Variants in GRID1 observed in about 807,000 individuals in gnomAD.
GRID1 encodes the protein glutamate receptor ionotropic, delta-1.
GRID1 carries 28 observed loss-of-function variants against 98.0 expected under a neutral mutation model. The observed-to-expected ratio is 0.29, with a 90% CI of 0.21 to 0.39. GRID1 has a LOEUF of 0.39. Ranked by LOEUF, GRID1 falls within the 10% of genes least tolerant of loss-of-function variation. The pLI is 1.00. For synonymous variants in GRID1, 553 were observed against 538.5 expected, an observed-to-expected ratio of 1.03 and a Z score of -0.37; for missense variants, 1,111 against 1,340.5, an observed-to-expected ratio of 0.83 and a Z score of 2.67.
chr10:86,247,043 C>T (rs969728846), intron 2 of GRID1, among the ~76,000 whole-genome samples: 4 of 152,244 alleles, frequency 2.6e-5, no homozygotes, highest in African/African-American at 9.6e-5. Context: ...GACACCGTGC[C>T]TGGAACACCA....
At chr10:86,334,758 C>A (rs1353520059) in intron 2 of GRID1, among the ~76,000 whole-genome samples, 1 of 152,216 alleles carries the variant, frequency 6.6e-6, no homozygotes, top group Admixed American at 6.5e-5. Flanking sequence ...GAAACCGAGG[C>A]TCCCTGATAA....
At chr10:86,227,809 CTAGACTGT>C (rs1564712250) in intron 2 of GRID1, among the ~76,000 whole-genome samples, 4 of 152,228 alleles carry the variant, frequency 2.6e-5, no homozygotes, top group Admixed American at 6.5e-5. Context: ...GTTCCCACCA[CTAGACTGT>C]GAGCCACTGC....
intron 3 of GRID1, among the ~76,000 whole-genome samples, chr10:86,145,905 C>T (rs965134642): frequency 6.6e-6 from 1 of 152,076 alleles, no homozygotes; most frequent in Admixed American, 6.5e-5. Context: ...ACGATGACCA[C>T]GTAGCCGGTG....
chr10:85,629,421 C>T (rs148761378), intron 13 of GRID1, among the ~76,000 whole-genome samples: 112 of 132,804 alleles, frequency 8.4e-4, no homozygotes, highest in African/African-American at 2.9e-3. Context: ...GTCTATTATT[C>T]CACACTCGAT....
intron 2 of GRID1, among the ~76,000 whole-genome samples, chr10:86,327,964 TG>T (rs1848076779): frequency 6.6e-6 from 1 of 151,936 alleles, no homozygotes; most frequent in Non-Finnish European, 1.5e-5. Context: ...CATGACAATA[TG>T]GTTTGTTATT....
At chr10:85,712,234 A>G (rs953969516) in intron 12 of GRID1, among the ~76,000 whole-genome samples, 8 of 151,842 alleles carry the variant, frequency 5.3e-5, no homozygotes, top group African/African-American at 1.9e-4. Flanking sequence ...GATTTAAAAA[A>G]CATGATCCAA....
intron 2 of GRID1, among the ~76,000 whole-genome samples, chr10:86,327,953 C>G (rs1166884404): frequency 6.6e-6 from 1 of 152,104 alleles, no homozygotes; most frequent in Non-Finnish European, 1.5e-5. Context: ...ATAAGGATTT[C>G]CATGACAATA....
intron 4 of GRID1, among the ~76,000 whole-genome samples, chr10:85,972,713 C>G (rs1842424437): frequency 6.6e-6 from 1 of 151,840 alleles, no homozygotes; most frequent in South Asian, 2.1e-4. Flanking sequence ...CACTACAATA[C>G]AATCCTTATA....
intron 2 of GRID1, among the ~76,000 whole-genome samples, chr10:86,225,164 G>C (rs926081356): frequency 6.6e-6 from 1 of 152,164 alleles, no homozygotes; most frequent in East Asian, 1.9e-4. Flanking sequence ...AGGAAGGTAG[G>C]GGCTGACATT....
intron 8 of GRID1, among the ~76,000 whole-genome samples, chr10:85,731,923 AAGAG>A (rs1387754607): frequency 2.4e-5 from 3 of 124,532 alleles, no homozygotes; most frequent in Admixed American, 7.8e-5. Context: ...GAAAGAAAGA[AAGAG>A]AGAGAGAGAA....
At chr10:86,275,242 A>G (rs1315740043) in intron 2 of GRID1, among the ~76,000 whole-genome samples, 1 of 152,230 alleles carries the variant, frequency 6.6e-6, no homozygotes, top group Non-Finnish European at 1.5e-5. Context: ...GAAAGTTACT[A>G]AACAAAGAAG....
chr10:86,082,182 CA>C (rs1362744394), intron 4 of GRID1, among the ~76,000 whole-genome samples: 1 of 151,974 alleles, frequency 6.6e-6, no homozygotes, highest in East Asian at 1.9e-4. Context: ...TTAATTTTCT[CA>C]AAAAAGGAAA....
intron 8 of GRID1, among the ~76,000 whole-genome samples, chr10:85,842,963 A>C (rs1842973806): frequency 7.6e-6 from 1 of 131,482 alleles, no homozygotes; most frequent in Non-Finnish European, 1.7e-5. Flanking sequence ...AAAACAAAAC[A>C]AAAAAAACCC....
At chr10:86,234,665 C>T (rs1274374892) in intron 2 of GRID1, among the ~76,000 whole-genome samples, 1 of 152,208 alleles carries the variant, frequency 6.6e-6, no homozygotes, top group Non-Finnish European at 1.5e-5. Context: ...TCACTTGCTG[C>T]TCTCATCCTC....
chr10:85,692,902 T>C (rs1048685584), intron 12 of GRID1, among the ~76,000 whole-genome samples: 2 of 152,200 alleles, frequency 1.3e-5, no homozygotes, highest in South Asian at 2.1e-4. Context: ...AGAACATGCA[T>C]GTAGCTGTAA....
intron 6 of GRID1, 48 bp downstream of exon 6, chr10:85,868,962 G>A: frequency 6.5e-7 from 1 of 1,543,442 alleles, no homozygotes; most frequent in Non-Finnish European, 8.9e-7. Context: ...AAGGGTGTGG[G>A]TGAGACTCTT....
chr10:86,149,887 G>A (rs1669833151), intron 3 of GRID1, among the ~76,000 whole-genome samples: 1 of 152,174 alleles, frequency 6.6e-6, no homozygotes, highest in East Asian at 1.9e-4. Context: ...CTTTTAATCT[G>A]GCAGGTCCCT....
At chr10:86,305,431 G>C (rs1464448067) in intron 2 of GRID1, among the ~76,000 whole-genome samples, 2 of 152,182 alleles carry the variant, frequency 1.3e-5, no homozygotes, top group Admixed American at 1.3e-4. Flanking sequence ...TTGGCTTTAG[G>C]ATTGTGTAAA....
chr10:85,655,317 C>T (rs911465196), intron 12 of GRID1, among the ~76,000 whole-genome samples: 5 of 152,144 alleles, frequency 3.3e-5, no homozygotes, highest in African/African-American at 4.8e-5. Flanking sequence ...CCTGTGTGTT[C>T]TGGGCTTGGT....
Sources: allele counts gnomAD v4.1 joint callset (sites outside exome capture counted in the v4.1 genomes callset), GRCh38; gene constraint gnomAD v4.1.1; transcripts MANE v1.5; gene names NCBI Gene and HGNC (gene_info 2026-07-23, HGNC 2026-07-21).